The following NEMP2 variants were observed in gnomAD, a reference collection of about 807,000 sequenced individuals.
NEMP2 encodes the protein UPF0571 transmembrane protein.
Under a neutral mutation model 54.2 loss-of-function variants are expected in NEMP2, and 53 were observed. The ratio of observed to expected loss-of-function variants is 0.98; its 90% CI spans 0.78 to 1.23. The LOEUF is 1.23. Ranked by LOEUF, NEMP2 falls within the 50% of genes most tolerant of loss-of-function variation. The probability of loss-of-function intolerance (pLI) is 0.00; values close to 1 mark genes in which losing one functional copy is unlikely to be tolerated. For synonymous variants in NEMP2, 197 were observed against 190.3 expected, an observed-to-expected ratio of 1.04 and a Z score of -0.29; for missense variants, 455 against 511.3, an observed-to-expected ratio of 0.89 and a Z score of 1.06.
rs960643789 is a variant in NEMP2 at position 190,527,725 on chromosome 2, G to A, written c.98-2347C>T. Among the ~76,000 whole-genome samples, 5 of 152,154 alleles carry A rather than the reference G, an allele frequency of 3.3e-5. 1 individual carries two copies. The highest frequency in any genetic ancestry group is 6.5e-5 in the Admixed American group (1 of 15,284). On this transcript the variant is annotated intron_variant, in intron 1 of 8. Transcript: ENST00000409150. This position sits in a 1 kb window ranked among gnomAD's most constrained non-coding sequence, Gnocchi z 4.0. ...AACAGGGCTGCAGGAGGTGAGCGGT[G>A]CGCGAGGCGAGTGATCATTACCACC...
the NEMP2 span, chr2:190,477,145 G>A: frequency 2.1e-6 from 1 of 472,238 alleles, no homozygotes; most frequent in Non-Finnish European, 2.8e-6. Flanking sequence ...TATGGCACAT[G>A]TATACATATG....
chr2:190,435,447 C>T, the NEMP2 span: 24 of 152,642 alleles, frequency 1.6e-4, no homozygotes, highest in African/African-American at 5.8e-4. Flanking sequence ...GTATCTTTGT[C>T]ATGGCTCCAG....
chr2:190,476,437 A>G, the NEMP2 span, among the ~76,000 whole-genome samples: 26 of 152,256 alleles, frequency 1.7e-4, no homozygotes, highest in Non-Finnish European at 3.1e-4. Context: ...TATGCAGCCA[A>G]CAGACACATG....
the NEMP2 span, among the ~76,000 whole-genome samples, chr2:190,431,047 C>T: frequency 2.1e-5 from 3 of 143,896 alleles, no homozygotes; most frequent in Admixed American, 6.9e-5. The surrounding 1 kb of genome is among the most constrained non-coding windows in gnomAD (Gnocchi z 4.4). Context: ...CGGGCAGAGG[C>T]GCTCCTCACC....
At chr2:190,524,591 C>T (rs1690865895) in intron 2 of NEMP2, among the ~76,000 whole-genome samples, 1 of 152,202 alleles carries the variant, frequency 6.6e-6, no homozygotes, top group Admixed American at 6.5e-5. Flanking sequence ...ATGTTACCTT[C>T]TCAACGAGAA....
chr2:190,583,109 G>T, the NEMP2 span, among the ~76,000 whole-genome samples: 2 of 152,138 alleles, frequency 1.3e-5, no homozygotes, highest in Non-Finnish European at 2.9e-5. Flanking sequence ...GTGTGTTTTG[G>T]AATCTATTAA....
chr2:190,454,882 G>C, the NEMP2 span, among the ~76,000 whole-genome samples: 2 of 151,848 alleles, frequency 1.3e-5, no homozygotes, highest in Non-Finnish European at 2.9e-5. This position sits in a 1 kb window ranked among gnomAD's most constrained non-coding sequence, Gnocchi z 4.6. Flanking sequence ...GAGTGAGTCC[G>C]GCAACGGCAA....
At chr2:190,466,657 C>T in the NEMP2 span, among the ~76,000 whole-genome samples, 1 of 152,166 alleles carries the variant, frequency 6.6e-6, no homozygotes, top group African/African-American at 2.4e-5. Context: ...CTACAGAATA[C>T]ATGTTTTTAT....
chr2:190,498,243 G>A, the NEMP2 span, among the ~76,000 whole-genome samples: 3 of 152,190 alleles, frequency 2.0e-5, no homozygotes, highest in Non-Finnish European at 1.5e-5. This position sits in a 1 kb window ranked among gnomAD's most constrained non-coding sequence, Gnocchi z 5.9. Context: ...CCTGAGTAAA[G>A]TTAAAGCATG....
chr2:190,534,474 G>C (rs1322929711), intron 1 of NEMP2, 85 bp downstream of exon 1: 19 of 1,276,726 alleles, frequency 1.5e-5, no homozygotes, highest in Admixed American at 8.5e-5. Context: ...GGTGCCGCCC[G>C]GGCCAAAGAG....
At chr2:190,430,392 G>A in the NEMP2 span, among the ~76,000 whole-genome samples, 1 of 150,812 alleles carries the variant, frequency 6.6e-6, no homozygotes, top group African/African-American at 2.4e-5. Flanking sequence ...TTGAGATTAG[G>A]GAGTGGTGAT....
rs1017417590 is a variant in NEMP2 at position 190,522,338 on chromosome 2, T to C, written c.213+2925A>G. Among the ~76,000 whole-genome samples, 1 of 152,050 alleles carries C rather than the reference T, an allele frequency of 6.6e-6. No individual in the cohort carries two copies. Among genetic ancestry groups the C allele is most frequent in the East Asian group, 1.9e-4 (1 of 5,186 alleles). Reference sequence around the variant, plus strand: ...CCCAGCATTACACAATATATCCATGTGACAAACCTGCACATGTACCCCCAA... The same window carrying C: ...CCCAGCATTACACAATATATCCATGCGACAAACCTGCACATGTACCCCCAA... On this transcript the variant is annotated intron_variant, in intron 2 of 8. Coordinates refer to ENST00000409150, the MANE Select transcript of NEMP2 (RefSeq NM_001142645.2). The surrounding 1 kb of genome is among the most constrained non-coding windows in gnomAD (Gnocchi z 5.0).
the NEMP2 span, chr2:190,465,038 T>C: frequency 2.0e-6 from 1 of 495,854 alleles, no homozygotes; most frequent in Non-Finnish European, 2.6e-6. The surrounding 1 kb of genome is among the most constrained non-coding windows in gnomAD (Gnocchi z 4.6). Context: ...TCTTGAACAC[T>C]CTTGAAAAAA....
chr2:190,456,344 A>C, the NEMP2 span, among the ~76,000 whole-genome samples: 2 of 152,304 alleles, frequency 1.3e-5, no homozygotes, highest in South Asian at 4.1e-4. The surrounding 1 kb of genome is among the most constrained non-coding windows in gnomAD (Gnocchi z 5.4). Context: ...CTTCAGTCTG[A>C]GTGCTAGTGA....
chr2:190,634,122 CTATT>C, the NEMP2 span, among the ~76,000 whole-genome samples: 1 of 152,102 alleles, frequency 6.6e-6, no homozygotes, highest in Non-Finnish European at 1.5e-5. This position sits in a 1 kb window ranked among gnomAD's most constrained non-coding sequence, Gnocchi z 6.8. Flanking sequence ...CAGGTATTTA[CTATT>C]TCAAACTTTT....
In NEMP2 at chr2:190,510,594, A is replaced by G; in HGVS notation, c.954-57T>C. On this transcript the variant is annotated intron_variant, in intron 7 of 8. Transcript: ENST00000409150. This position sits in a 1 kb window ranked among gnomAD's most constrained non-coding sequence, Gnocchi z 5.7. Reference sequence around the variant, plus strand: ...TCCTAATTCAATCCTTAAGATTTACAAAAATAGGCCAGGCTCGGTGGCTCA... The same window carrying G: ...TCCTAATTCAATCCTTAAGATTTACGAAAATAGGCCAGGCTCGGTGGCTCA... 1 of 1,537,140 alleles carries G rather than the reference A, an allele frequency of 6.5e-7. No individual in the cohort carries two copies. The highest frequency in any genetic ancestry group is 8.8e-7 in the Non-Finnish European group (1 of 1,134,948).
At chr2:190,644,704 T>A in the NEMP2 span, among the ~76,000 whole-genome samples, 1 of 150,956 alleles carries the variant, frequency 6.6e-6, no homozygotes, top group African/African-American at 2.4e-5. This position sits in a 1 kb window ranked among gnomAD's most constrained non-coding sequence, Gnocchi z 4.4. Context: ...TAAGAACTCA[T>A]GGACACGAAG....
the NEMP2 span, among the ~76,000 whole-genome samples, chr2:190,641,737 A>G: frequency 6.6e-6 from 1 of 152,330 alleles, no homozygotes; most frequent in East Asian, 1.9e-4. Context: ...GCTGACACCT[A>G]AAACAGTGTT....
At chr2:190,565,418 A>T in the NEMP2 span, among the ~76,000 whole-genome samples, 1 of 152,206 alleles carries the variant, frequency 6.6e-6, no homozygotes, top group South Asian at 2.1e-4. Flanking sequence ...AATCTGTTTA[A>T]TGGGTCATAA....
Sources: allele counts gnomAD v4.1 joint callset (sites outside exome capture counted in the v4.1 genomes callset), GRCh38; gene constraint gnomAD v4.1.1; non-coding constraint Gnocchi (gnomAD v3.1); transcripts MANE v1.5; gene names NCBI Gene and HGNC (gene_info 2026-07-23, HGNC 2026-07-21).